Variants in EXOC6B observed in about 807,000 individuals in gnomAD.
EXOC6B encodes SEC15 homolog B.
A neutral mutation model predicts 113.5 loss-of-function variants in EXOC6B; 54 were observed. That is an observed-to-expected ratio of 0.48 (90% CI 0.38 to 0.60). The LOEUF (loss-of-function observed/expected upper bound fraction) is 0.60. Ranked by LOEUF, EXOC6B falls within the 20% of genes least tolerant of loss-of-function variation. The pLI is 0.00. For synonymous variants in EXOC6B, 357 were observed against 339.0 expected, an observed-to-expected ratio of 1.05 and a Z score of -0.58; for missense variants, 797 against 977.5, an observed-to-expected ratio of 0.82 and a Z score of 2.46.
intron 20 of EXOC6B, among the ~76,000 whole-genome samples, chr2:72,191,363 C>T (rs867122899): frequency 6.6e-6 from 1 of 152,078 alleles, no homozygotes; most frequent in African/African-American, 2.4e-5. Context: ...ATTCTGATTT[C>T]ATGGAGGGTG....
At chr2:72,794,122 C>G (rs1314831789) in intron 1 of EXOC6B, among the ~76,000 whole-genome samples, 2 of 152,188 alleles carry the variant, frequency 1.3e-5, no homozygotes, top group Admixed American at 6.5e-5. Context: ...CATATATAAA[C>G]ATCCTGTCAC....
Position 72,637,038 on chromosome 2 carries a change from A to G in EXOC6B, c.670-61370T>C, listed in dbSNP as rs190483695. 2.6e-3 allele frequency among the ~76,000 whole-genome samples: 403 copies of G among 152,322 alleles called. 2 individuals are homozygous for G. Among genetic ancestry groups the G allele is most frequent in the Non-Finnish European group, 4.5e-3 (307 of 68,030 alleles). ...ACATGATACCAATGAGCATGTGGAC[A>G]CTGAAATTAAAAATACAATACCACT... On this transcript the variant is annotated intron_variant, in intron 6 of 21. Transcript: ENST00000272427.
intron 19 of EXOC6B, among the ~76,000 whole-genome samples, chr2:72,367,799 A>C (rs2105011208): frequency 6.6e-6 from 1 of 152,198 alleles, no homozygotes; most frequent in South Asian, 2.1e-4. Context: ...TGGAGAAAAA[A>C]TTGTGCTGGC....
intron 20 of EXOC6B, among the ~76,000 whole-genome samples, chr2:72,314,900 A>T (rs1051454417): frequency 5.3e-5 from 8 of 152,212 alleles, no homozygotes; most frequent in African/African-American, 1.9e-4. Context: ...GGCACTAAGA[A>T]TAAAGTTGTT....
chr2:72,365,717 A>T (rs758002661), intron 19 of EXOC6B, among the ~76,000 whole-genome samples: 52 of 152,180 alleles, frequency 3.4e-4, no homozygotes, highest in Non-Finnish European at 6.8e-4. Flanking sequence ...AGGGGAGGCA[A>T]TTACCAAAGG....
chr2:72,652,759 T>C (rs1674285035), intron 6 of EXOC6B, among the ~76,000 whole-genome samples: 1 of 148,060 alleles, frequency 6.8e-6, no homozygotes, highest in African/African-American at 2.4e-5. Context: ...ATATATAAAA[T>C]ATGTAGTAAT....
At chr2:72,798,927 C>A (rs905128018) in intron 1 of EXOC6B, among the ~76,000 whole-genome samples, 1 of 151,944 alleles carries the variant, frequency 6.6e-6, no homozygotes, top group Non-Finnish European at 1.5e-5. Flanking sequence ...TATATGTAGT[C>A]ATTTGACCTA....
intron 20 of EXOC6B, among the ~76,000 whole-genome samples, chr2:72,229,074 G>T (rs1250153664): frequency 6.6e-6 from 1 of 152,184 alleles, no homozygotes; most frequent in East Asian, 1.9e-4. Context: ...CTTTTGAGAA[G>T]TGTCTGTTCA....
intron 19 of EXOC6B, among the ~76,000 whole-genome samples, chr2:72,347,847 G>A (rs1056449068): frequency 1.5e-4 from 23 of 152,000 alleles, no homozygotes; most frequent in Admixed American, 2.0e-4. Flanking sequence ...CCAAAATGAA[G>A]TACGTAAAGA....
intron 1 of EXOC6B, among the ~76,000 whole-genome samples, chr2:72,750,776 T>G (rs752974242): frequency 1.3e-5 from 2 of 152,106 alleles, no homozygotes; most frequent in Non-Finnish European, 2.9e-5. Context: ...CCAGCATGGT[T>G]GTTAATACCC....
chr2:72,804,550 A>G (rs907469752), intron 1 of EXOC6B, among the ~76,000 whole-genome samples: 3 of 152,108 alleles, frequency 2.0e-5, no homozygotes, highest in Admixed American at 6.5e-5. Flanking sequence ...ACAAAATCTG[A>G]ATTTCTGGAC....
chr2:72,308,986 T>C (rs1168617375), intron 20 of EXOC6B, among the ~76,000 whole-genome samples: 1 of 152,034 alleles, frequency 6.6e-6, no homozygotes, highest in African/African-American at 2.4e-5. Context: ...TCTATTAACA[T>C]ACAAGATGAC....
At chr2:72,508,969 G>A (rs548360417) in intron 11 of EXOC6B, among the ~76,000 whole-genome samples, 1 of 151,566 alleles carries the variant, frequency 6.6e-6, no homozygotes, top group South Asian at 2.1e-4. Context: ...GGAAAGGAGA[G>A]ATGGACAGAC....
chr2:72,263,105 T>G (rs1033244333), intron 20 of EXOC6B, among the ~76,000 whole-genome samples: 1 of 152,188 alleles, frequency 6.6e-6, no homozygotes, highest in African/African-American at 2.4e-5. Context: ...GATCCAGGAA[T>G]TCCTTTCTTG....
chr2:72,631,576 C>T (rs966470346), intron 6 of EXOC6B, among the ~76,000 whole-genome samples: 4 of 150,654 alleles, frequency 2.7e-5, no homozygotes, highest in African/African-American at 9.8e-5. Flanking sequence ...ACGATCACTG[C>T]TTACTGAAGC....
chr2:72,356,895 G>A (rs982353573), intron 19 of EXOC6B, among the ~76,000 whole-genome samples: 4 of 152,108 alleles, frequency 2.6e-5, no homozygotes, highest in African/African-American at 9.7e-5. Flanking sequence ...CACAAGTACT[G>A]CCATACTAAG....
chr2:72,391,713 T>TCTCATATGC (rs151249009), intron 18 of EXOC6B, among the ~76,000 whole-genome samples: 1,766 of 152,246 alleles, frequency 0.012, 29 homozygotes, highest in African/African-American at 0.041. Context: ...GTTCCACCTA[T>TCTCATATGC]CTCATATGCT....
chr2:72,405,880 A>G (rs1455813710), intron 18 of EXOC6B, among the ~76,000 whole-genome samples: 1 of 152,230 alleles, frequency 6.6e-6, no homozygotes, highest in African/African-American at 2.4e-5. Flanking sequence ...AATGGGCTAA[A>G]TGCTCCAATT....
chr2:72,689,856 G>A (rs764897509), intron 6 of EXOC6B, among the ~76,000 whole-genome samples: 13 of 152,152 alleles, frequency 8.5e-5, no homozygotes, highest in South Asian at 8.3e-4. Flanking sequence ...AGAGACTGTC[G>A]AAAGCATACA....
Sources: allele counts gnomAD v4.1 joint callset (sites outside exome capture counted in the v4.1 genomes callset), GRCh38; gene constraint gnomAD v4.1.1; transcripts MANE v1.5; gene names NCBI Gene and HGNC (gene_info 2026-07-23, HGNC 2026-07-21).